Variants in PTPDC1 observed in about 807,000 individuals in gnomAD.
PTPDC1 encodes protein tyrosine phosphatase domain-containing protein 1.
A neutral mutation model predicts 75.3 loss-of-function variants in PTPDC1; 53 were observed. The observed-to-expected ratio is 0.70, with a 90% CI of 0.56 to 0.88. PTPDC1 has a LOEUF of 0.88. PTPDC1 is among the 40% of genes least tolerant of loss of function. The probability of loss-of-function intolerance (pLI) is 0.00; values close to 1 mark genes in which losing one functional copy is unlikely to be tolerated. For missense variants in PTPDC1, 925 were observed against 998.6 expected, an observed-to-expected ratio of 0.93 and a Z score of 0.99; for synonymous variants, 349 against 366.2, an observed-to-expected ratio of 0.95 and a Z score of 0.54.
intron 6 of PTPDC1, chr9:94,100,020 T>A (rs1827780054): frequency 6.6e-6 from 1 of 152,252 alleles, no homozygotes; most frequent in African/African-American, 2.4e-5. Flanking sequence ...AATAGTATAA[T>A]GCCACCCATG....
rs1410867585 is a variant in PTPDC1, at chr9:94,090,277, C to T, written c.616+2014C>T. Among the ~76,000 whole-genome samples, 61 of 105,046 alleles carry T rather than the reference C, an allele frequency of 5.8e-4. 1 individual carries two copies. The highest frequency in any genetic ancestry group is 2.5e-3 in the African/African-American group (59 of 23,236). The allele number at this position is 105,046 out of a possible 152,430, so 68.9% of individuals were successfully genotyped here. ...TTGTATAAGGTGTAAGGAAGGGATC[C>T]AGTTTCAGCTTTCTACGTATGGCTA... On this transcript the variant is annotated intron_variant, in intron 4 of 8. Coordinates refer to ENST00000620992, the MANE Select transcript of PTPDC1 (RefSeq NM_001253829.2).
Position 94,104,405 on chromosome 9 carries a change from T to TC in PTPDC1, c.2310+24dup. On this transcript the variant is annotated intron_variant, in intron 8 of 8. Coordinates refer to ENST00000620992, the MANE Select transcript of PTPDC1 (RefSeq NM_001253829.2). The stretch of plus-strand genomic sequence containing the variant: ...ACTAAGGTGGGTCATACTCTTCCTT[T>TC]CCCCTCTCTGAACCACAGATCAGCA... 2.7e-6 allele frequency: 4 copies of TC among 1,497,476 alleles called. No homozygotes were observed. Among genetic ancestry groups the TC allele is most frequent in the Non-Finnish European group, 3.7e-6 (4 of 1,075,448 alleles). 92.8% of individuals were successfully genotyped at this position (1,497,476 alleles called of 1,614,324 possible).
At chr9:94,062,925 C>T (rs981887519) in intron 1 of PTPDC1, among the ~76,000 whole-genome samples, 1 of 152,126 alleles carries the variant, frequency 6.6e-6, no homozygotes, top group Non-Finnish European at 1.5e-5. Flanking sequence ...AGTTGTGTCA[C>T]GAGGGTACCT....
At chr9:94,060,486 T>G (rs756542509) in intron 1 of PTPDC1, among the ~76,000 whole-genome samples, 9 of 152,192 alleles carry the variant, frequency 5.9e-5, no homozygotes, top group Non-Finnish European at 1.0e-4. Flanking sequence ...TTTTAAATAG[T>G]CATTGTGTTA....
At chr9:94,076,395 A>T (rs920991947) in intron 2 of PTPDC1, among the ~76,000 whole-genome samples, 1 of 152,106 alleles carries the variant, frequency 6.6e-6, no homozygotes, top group Non-Finnish European at 1.5e-5. Context: ...GTCTCTATAG[A>T]TTTCATTTTT....
At chr9:94,091,381 A>C (rs1195889799) in intron 4 of PTPDC1, among the ~76,000 whole-genome samples, 2 of 152,150 alleles carry the variant, frequency 1.3e-5, no homozygotes, top group African/African-American at 4.8e-5. Context: ...ATGCTGGATT[A>C]CATTTATTGA....
chr9:94,049,816 C>A (rs1227504312), intron 1 of PTPDC1, among the ~76,000 whole-genome samples: 1 of 152,222 alleles, frequency 6.6e-6, no homozygotes, highest in Non-Finnish European at 1.5e-5. Flanking sequence ...TGTTTTCCAA[C>A]TTGGTTCCAT....
chr9:94,049,310 G>C (rs183227696), intron 1 of PTPDC1, among the ~76,000 whole-genome samples: 2 of 152,286 alleles, frequency 1.3e-5, no homozygotes, highest in African/African-American at 4.8e-5. Flanking sequence ...TCCTAGCCTT[G>C]ATGGTCTTTA....
At chr9:94,087,776 G>A in intron 2 of PTPDC1, 55 bp from the exon 3 acceptor site, 1 of 1,262,528 alleles carries the variant, frequency 7.9e-7, no homozygotes, top group Non-Finnish European at 1.2e-6. Flanking sequence ...CATCTCTTTG[G>A]ACTGGAACTT....
chr9:94,053,267 G>T (rs1023789186), intron 1 of PTPDC1, among the ~76,000 whole-genome samples: 1 of 151,188 alleles, frequency 6.6e-6, no homozygotes, highest in Admixed American at 6.6e-5. Context: ...CCTTTCCCCA[G>T]GACTAACCTT....
intron 1 of PTPDC1, among the ~76,000 whole-genome samples, chr9:94,049,426 G>C (rs761483435): frequency 2.0e-4 from 30 of 152,112 alleles, no homozygotes; most frequent in Non-Finnish European, 2.6e-4. Context: ...CAAAATCTCT[G>C]AGCATTTGCT....
chr9:94,073,634 G>A (rs1016078314), intron 2 of PTPDC1, among the ~76,000 whole-genome samples: 1 of 151,908 alleles, frequency 6.6e-6, no homozygotes, highest in East Asian at 1.9e-4. Context: ...TGCTTGTTTT[G>A]TGTGTGCTTT....
intron 8 of PTPDC1, 52 bp downstream of exon 8, chr9:94,104,437 T>C: frequency 8.1e-7 from 1 of 1,241,002 alleles, no homozygotes; most frequent in Non-Finnish European, 1.2e-6. Context: ...AGCATCATCT[T>C]TGTAAATCAG....
At chr9:94,033,601 A>G (rs1016204532) in intron 1 of PTPDC1, among the ~76,000 whole-genome samples, 62 of 152,176 alleles carry the variant, frequency 4.1e-4, no homozygotes, top group African/African-American at 1.4e-3. Flanking sequence ...CAGTGCCTCC[A>G]GGGTTGTGAC....
At chr9:94,049,229 G>A (rs998710276) in intron 1 of PTPDC1, among the ~76,000 whole-genome samples, 2 of 152,136 alleles carry the variant, frequency 1.3e-5, no homozygotes, top group Non-Finnish European at 2.9e-5. Flanking sequence ...TGTTATGTGT[G>A]AATTTGATCC....
chr9:94,057,001 C>T (rs1451096306), intron 1 of PTPDC1, among the ~76,000 whole-genome samples: 3 of 152,190 alleles, frequency 2.0e-5, no homozygotes, highest in African/African-American at 7.2e-5. Flanking sequence ...TCAAACCCTT[C>T]TCTCCTGATT....
chr9:94,088,641 A>T (rs1356488929), intron 4 of PTPDC1, among the ~76,000 whole-genome samples: 1 of 152,168 alleles, frequency 6.6e-6, no homozygotes, highest in Non-Finnish European at 1.5e-5. Context: ...CACAGCTTAG[A>T]AATGGTAGTC....
In PTPDC1 at chr9:94,084,748, C is replaced by G. The variant is rs1266046915; in HGVS notation, c.218C>G (p.Pro73Arg). 6.3e-7 allele frequency: 1 copy of G among 1,582,090 alleles called. No homozygotes were observed. Among genetic ancestry groups the G allele is most frequent in the Non-Finnish European group, 8.6e-7 (1 of 1,167,516 alleles). The change falls in exon 1 of 9, where the codon CCA (proline) becomes CGA (arginine). Residue 73 changes from proline to arginine, a missense_variant. By Grantham distance (103) the Pro-to-Arg change is moderately radical. Transcript: ENST00000620992. ...TCAGTCAGCCATGCAGAGGGAAACC[C>G]AACTTTCCCCGAAAGAAAAAGTAAA... ...VSSVSHAEGN[P>R]TFPERKSKGN...
chr9:94,035,239 C>CTA (rs1825229074), intron 1 of PTPDC1, among the ~76,000 whole-genome samples: 1 of 152,166 alleles, frequency 6.6e-6, no homozygotes, highest in Non-Finnish European at 1.5e-5. Context: ...ACTATATTCA[C>CTA]CACACTGTGC....
Sources: allele counts gnomAD v4.1 joint callset (sites outside exome capture counted in the v4.1 genomes callset), GRCh38; gene constraint gnomAD v4.1.1; transcripts MANE v1.5; gene names NCBI Gene and HGNC (gene_info 2026-07-23, HGNC 2026-07-21).